Variants in VRK1 observed in about 807,000 individuals in gnomAD.
VRK1 encodes VRK serine/threonine kinase 1.
VRK1 carries 33 observed loss-of-function variants against 57.1 expected under a neutral mutation model. The observed-to-expected ratio is 0.58, with a 90% CI of 0.44 to 0.77. The LOEUF is 0.77. Among genes scored for constraint, VRK1 ranks in the 30% least tolerant of loss-of-function variants. The probability of loss-of-function intolerance (pLI) is 0.00; values close to 1 mark genes in which losing one functional copy is unlikely to be tolerated. For missense variants in VRK1, 413 were observed against 477.3 expected (o/e 0.87, Z 1.25); for synonymous variants, 137 against 147.8 (o/e 0.93, Z 0.53).
intron 7 of VRK1, among the ~76,000 whole-genome samples, chr14:96,854,978 G>A (rs1888094504): frequency 6.6e-6 from 1 of 152,028 alleles, no homozygotes; most frequent in African/African-American, 2.4e-5. Context: ...TCTTAAAAAA[G>A]TATATAAAGT....
intron 1 of VRK1, among the ~76,000 whole-genome samples, chr14:96,805,984 C>CTTTTTTTTTTTTTT (rs368273142): frequency 7.9e-6 from 1 of 126,372 alleles, no homozygotes. Context: ...GAGAATTTTT[C>CTTTTTTTTTTTTTT]TTTTTTTTTT....
At chr14:96,850,015 A>G (rs1887886537) in intron 5 of VRK1, among the ~76,000 whole-genome samples, 1 of 152,158 alleles carries the variant, frequency 6.6e-6, no homozygotes, top group Admixed American at 6.5e-5. Context: ...GTGGTGACAA[A>G]TGAGAACACA....
intron 1 of VRK1, among the ~76,000 whole-genome samples, chr14:96,808,014 C>CCTCTCTCCCTCTCTCCGTCTCT (rs1566683580): frequency 1.4e-5 from 1 of 73,960 alleles, no homozygotes; most frequent in African/African-American, 6.1e-5. Context: ...TCTCTCTCTC[C>CCTCTCTCCCTCTCTCCGTCTCT]CTCTGTGTGT....
intron 1 of VRK1, among the ~76,000 whole-genome samples, chr14:96,822,446 TTTACA>T (rs1224439294): frequency 6.6e-6 from 1 of 152,192 alleles, no homozygotes. Flanking sequence ...ATTACTGATA[TTTACA>T]TTAAAGGGAA....
intron 11 of VRK1, among the ~76,000 whole-genome samples, chr14:96,862,958 C>T (rs1888449491): frequency 6.6e-6 from 1 of 152,006 alleles, no homozygotes. Context: ...TATTTAGGTT[C>T]CTAAGAAATA....
intron 3 of VRK1, among the ~76,000 whole-genome samples, chr14:96,841,935 C>T (rs1887480129): frequency 6.6e-6 from 1 of 152,018 alleles, no homozygotes. Context: ...GCTTCTTTTC[C>T]CCTAGCACTC....
At chr14:96,837,004 C>T (rs1042998983) in intron 2 of VRK1, among the ~76,000 whole-genome samples, 9 of 152,154 alleles carry the variant, frequency 5.9e-5, no homozygotes, top group African/African-American at 2.2e-4. Flanking sequence ...TCCTCTATAG[C>T]ACTTCACACT....
Position 96,817,899 on chromosome 14 carries a change from T to G in VRK1, c.-5-15568T>G, listed in dbSNP as rs181196701. ...TGGGCCATAAGGTCAAGGAGCCAGGTGTCACCGCTTTTTGAAGTTGACATC... is the reference window on the plus strand; with the variant it reads ...TGGGCCATAAGGTCAAGGAGCCAGGGGTCACCGCTTTTTGAAGTTGACATC... On this transcript the variant is annotated intron_variant, in intron 1 of 12. Transcript: ENST00000216639. Among the ~76,000 whole-genome samples the G allele has an allele frequency of 2.6e-5, 4 of 152,358 alleles. No homozygotes were observed. The East Asian group carries it at 7.7e-4, about 29-fold the overall frequency.
intron 1 of VRK1, among the ~76,000 whole-genome samples, chr14:96,808,110 G>A (rs1421051617): frequency 7.9e-5 from 12 of 151,706 alleles, no homozygotes; most frequent in Non-Finnish European, 1.8e-4. Flanking sequence ...AATATTAAGA[G>A]GCAGCTGGGC....
At chr14:96,845,935 A>G (rs1887667396) in intron 3 of VRK1, among the ~76,000 whole-genome samples, 160 bp from the exon 4 acceptor site, 2 of 152,192 alleles carry the variant, frequency 1.3e-5, no homozygotes. Flanking sequence ...TTCTCTGAAC[A>G]TTTCTAAGGA....
chr14:96,827,530 G>A (rs372342181), intron 1 of VRK1, among the ~76,000 whole-genome samples: 2 of 152,082 alleles, frequency 1.3e-5, no homozygotes, highest in Non-Finnish European at 1.5e-5. Context: ...CTGTGGATAA[G>A]CTGTAGCTCA....
At chr14:96,835,181 G>A (rs1379740939) in intron 2 of VRK1, among the ~76,000 whole-genome samples, 2 of 152,120 alleles carry the variant, frequency 1.3e-5, no homozygotes, top group Non-Finnish European at 2.9e-5. Context: ...TCCAGTCTCT[G>A]TCTCTATGAT....
At chr14:96,823,467 C>T (rs1322307146) in intron 1 of VRK1, among the ~76,000 whole-genome samples, 1 of 152,124 alleles carries the variant, frequency 6.6e-6, no homozygotes, top group Non-Finnish European at 1.5e-5. Flanking sequence ...AGAATAACCT[C>T]TGAAAAAAAT....
intron 1 of VRK1, among the ~76,000 whole-genome samples, chr14:96,804,380 CTA>C (rs1263972915): frequency 6.6e-6 from 1 of 152,130 alleles, no homozygotes; most frequent in African/African-American, 2.4e-5. Flanking sequence ...GAGCAATTAA[CTA>C]TTAATAAATA....
chr14:96,830,220 A>T lies in VRK1; in HGVS notation c.-5-3247A>T, dbSNP rs543163684. On this transcript the variant is annotated intron_variant, in intron 1 of 12. Coordinates refer to ENST00000216639, the MANE Select transcript of VRK1 (RefSeq NM_003384.3). The stretch of plus-strand genomic sequence containing the variant: ...TGATTTTTCAAATGTATGTGATATG[A>T]CCTTTCAAAATGTAGTTTTATGTTT... 3.9e-5 allele frequency among the ~76,000 whole-genome samples: 6 copies of T among 152,226 alleles called. No homozygotes were observed. The South Asian group carries it at 1.2e-3, about 32-fold the overall frequency.
At chr14:96,846,786 G>A (rs1427614120) in intron 4 of VRK1, among the ~76,000 whole-genome samples, 1 of 151,218 alleles carries the variant, frequency 6.6e-6, no homozygotes, top group Non-Finnish European at 1.5e-5. Context: ...AACTAGTACA[G>A]TATAACTATT....
chr14:96,873,263 C>G (rs904290345), intron 11 of VRK1, among the ~76,000 whole-genome samples: 8 of 152,136 alleles, frequency 5.3e-5, no homozygotes, highest in Non-Finnish European at 2.9e-5. Context: ...AAGTCTACAG[C>G]AGGTCTCCAA....
chr14:96,811,025 G>A (rs1269685589), intron 1 of VRK1, among the ~76,000 whole-genome samples: 7 of 151,936 alleles, frequency 4.6e-5, no homozygotes, highest in African/African-American at 1.2e-4. Context: ...CGCCTCCTGG[G>A]TTCAAGCGGT....
chr14:96,836,405 G>A (rs1887214325), intron 2 of VRK1, among the ~76,000 whole-genome samples: 2 of 151,232 alleles, frequency 1.3e-5, no homozygotes, highest in African/African-American at 4.9e-5. Context: ...AGCCCATCGT[G>A]TTTGTTCCCT....
Sources: allele counts gnomAD v4.1 joint callset (sites outside exome capture counted in the v4.1 genomes callset), GRCh38; gene constraint gnomAD v4.1.1; transcripts MANE v1.5; gene names NCBI Gene and HGNC (gene_info 2026-07-23, HGNC 2026-07-21).